The following NXN variants were observed in gnomAD, a reference collection of about 807,000 sequenced individuals.
NXN encodes the protein nucleoredoxin.
NXN carries 16 observed loss-of-function variants against 48.6 expected under a neutral mutation model. The observed-to-expected ratio is 0.33, with a 90% CI of 0.22 to 0.50. NXN has a LOEUF of 0.50. NXN is among the 20% of genes least tolerant of loss of function. NXN has a pLI of 0.98. For synonymous variants in NXN, 281 were observed against 269.6 expected (o/e 1.04, Z -0.41); for missense variants, 492 against 605.5 (o/e 0.81, Z 1.97).
At position 849,825 on chromosome 17, in the gene NXN, G is replaced by GGAGCTGA. The variant is rs2067904762; in HGVS notation, c.361-23754_361-23748dup. Among the ~76,000 whole-genome samples, 1 of 152,168 alleles carries GGAGCTGA rather than the reference G, an allele frequency of 6.6e-6. No individual in the cohort carries two copies. Among genetic ancestry groups the GGAGCTGA allele is most frequent in the Non-Finnish European group, 1.5e-5 (1 of 68,038 alleles). ...TGGGCCAGGGACAGCAGAGAGAAAT[G>GGAGCTGA]GAGCTGACGGAGAGGAGGACAGATA... On this transcript the variant is annotated intron_variant, in intron 1 of 7. Coordinates refer to ENST00000336868, the MANE Select transcript of NXN (RefSeq NM_022463.5). The surrounding 1 kb of genome is among the most constrained non-coding windows in gnomAD (Gnocchi z 4.2).
chr17:852,581 G>A (rs77690308), intron 1 of NXN, among the ~76,000 whole-genome samples: 8,303 of 152,210 alleles, frequency 0.055, 271 homozygotes, highest in Middle Eastern at 0.095. Context: ...GCTCCGAGTT[G>A]GTGTTGGATT....
intron 1 of NXN, among the ~76,000 whole-genome samples, chr17:888,983 G>C (rs1292973163): frequency 7.6e-6 from 1 of 131,096 alleles, no homozygotes; most frequent in Non-Finnish European, 1.6e-5. Flanking sequence ...AAAAAAAAAA[G>C]ATTGACGGAG....
At chr17:948,861 CG>C (rs1190658081) in intron 1 of NXN, among the ~76,000 whole-genome samples, 6 of 50,592 alleles carry the variant, frequency 1.2e-4, no homozygotes, top group Admixed American at 1.6e-4. Flanking sequence ...CTCCTCTCCC[CG>C]CGGCCTCCTC....
chr17:921,958 C>T (rs1170465613), intron 1 of NXN, among the ~76,000 whole-genome samples: 2 of 152,244 alleles, frequency 1.3e-5, no homozygotes, highest in African/African-American at 2.4e-5. Flanking sequence ...CCGCCTTCCT[C>T]CAACCTGCTT....
At chr17:808,782 A>G (rs1222209749) in intron 5 of NXN, among the ~76,000 whole-genome samples, 4 of 147,558 alleles carry the variant, frequency 2.7e-5, no homozygotes, top group Non-Finnish European at 4.4e-5. Context: ...TCAAGTGATT[A>G]TCTTGCTTCA....
intron 1 of NXN, among the ~76,000 whole-genome samples, chr17:969,268 C>T (rs1240676904): frequency 6.6e-6 from 1 of 152,152 alleles, no homozygotes; most frequent in East Asian, 1.9e-4. Context: ...CCATTTTACT[C>T]ACCAGGAAAC....
intron 4 of NXN, among the ~76,000 whole-genome samples, chr17:822,092 A>G (rs1039927079): frequency 6.6e-6 from 1 of 152,070 alleles, no homozygotes; most frequent in African/African-American, 2.4e-5. Context: ...CAGCCTGGCC[A>G]ACATGGTGAA....
chr17:955,707 T>C (rs916237006), intron 1 of NXN, among the ~76,000 whole-genome samples: 30 of 150,316 alleles, frequency 2.0e-4, no homozygotes, highest in African/African-American at 5.4e-4. Context: ...CCATCCTGGC[T>C]AACACGGTGA....
chr17:842,406 T>G, intron 1 of NXN: 1 of 533,160 alleles, frequency 1.9e-6, no homozygotes, highest in Non-Finnish European at 2.4e-6. Context: ...GTGCTGCACA[T>G]GGCCGGGAGC....
intron 1 of NXN, among the ~76,000 whole-genome samples, chr17:844,731 C>T (rs2067840985): frequency 6.6e-6 from 1 of 151,988 alleles, no homozygotes; most frequent in African/African-American, 2.4e-5. Context: ...ATTACAGGCA[C>T]CTGCCACCAT....
chr17:898,100 C>T (rs905869656), intron 1 of NXN, among the ~76,000 whole-genome samples: 4 of 152,160 alleles, frequency 2.6e-5, no homozygotes, highest in Non-Finnish European at 5.9e-5. Context: ...GCCTTTCTTC[C>T]CCACAGCCAT....
chr17:818,152 T>G lies in NXN; in HGVS notation c.820+1287A>C, dbSNP rs867650611. 8.6e-5 allele frequency among the ~76,000 whole-genome samples: 13 copies of G among 152,016 alleles called. 1 individual carries two copies. The South Asian group carries it at 2.1e-3, about 24-fold the overall frequency. On this transcript the variant is annotated intron_variant, in intron 5 of 7. Transcript: ENST00000336868. ...GGTGTGCACCTGTAGTCCCAGCTAC[T>G]CGGGAGGCTGAGGTGAGAGGATGGC...
intron 1 of NXN, among the ~76,000 whole-genome samples, chr17:829,396 C>T (rs1913321837): frequency 6.6e-6 from 1 of 151,516 alleles, no homozygotes; most frequent in Non-Finnish European, 1.5e-5. Context: ...CTCAGGTGAT[C>T]CGCCCACCTC....
In NXN at chr17:920,555, G is replaced by A. The variant is rs142666196; in HGVS notation, c.360+58764C>T. ...GCGTTCTCCCAGGCTCTCAACCCTC[G>A]ACGCTCATCCAGGTTCATTCGCCAT... On this transcript the variant is annotated intron_variant, in intron 1 of 7. Coordinates refer to ENST00000336868, the MANE Select transcript of NXN (RefSeq NM_022463.5). The surrounding 1 kb of genome is among the most constrained non-coding windows in gnomAD (Gnocchi z 4.6). Among the ~76,000 whole-genome samples, 190 of 152,010 alleles carry A rather than the reference G, an allele frequency of 1.2e-3. No homozygotes were observed. Among genetic ancestry groups the A allele is most frequent in the Non-Finnish European group, 2.2e-3 (149 of 67,970 alleles).
intron 1 of NXN, among the ~76,000 whole-genome samples, chr17:883,201 T>G (rs2068304681): frequency 6.6e-6 from 1 of 152,192 alleles, no homozygotes; most frequent in Admixed American, 6.5e-5. Context: ...CTCCTGCCCA[T>G]TCCTTCTCTC....
intron 1 of NXN, among the ~76,000 whole-genome samples, chr17:894,746 C>T (rs113425187): frequency 0.023 from 3,563 of 152,092 alleles, 149 homozygotes; most frequent in African/African-American, 0.081. Flanking sequence ...CAGGGACGGG[C>T]GGAGACATGA....
chr17:812,179 G>A (rs577567095), intron 5 of NXN, among the ~76,000 whole-genome samples: 260 of 151,824 alleles, frequency 1.7e-3, no homozygotes, highest in African/African-American at 6.1e-3. Context: ...CGCCCGCCTC[G>A]GCCTCCCAAA....
At chr17:939,175 G>A (rs994685813) in intron 1 of NXN, among the ~76,000 whole-genome samples, 7 of 152,232 alleles carry the variant, frequency 4.6e-5, no homozygotes, top group Admixed American at 2.0e-4. Context: ...CCAAAGATGT[G>A]CACAGAGAAG....
intron 1 of NXN, among the ~76,000 whole-genome samples, chr17:836,277 C>G (rs1913822362): frequency 6.6e-6 from 1 of 152,200 alleles, no homozygotes; most frequent in Non-Finnish European, 1.5e-5. Context: ...GGAGCCTCAG[C>G]TTTTCTTTCC....
Sources: allele counts gnomAD v4.1 joint callset (sites outside exome capture counted in the v4.1 genomes callset), GRCh38; gene constraint gnomAD v4.1.1; non-coding constraint Gnocchi (gnomAD v3.1); transcripts MANE v1.5; gene names NCBI Gene and HGNC (gene_info 2026-07-23, HGNC 2026-07-21).